ANXA13: variants seen among roughly 807,000 people sequenced by gnomAD.
ANXA13 encodes annexin A13, also known as annexin XIII.
In ANXA13, 36 loss-of-function variants were observed where a neutral mutation model predicts 46.6. That is an observed-to-expected ratio of 0.77 (90% confidence interval 0.59 to 1.02). The LOEUF is 1.02. Ranked by LOEUF, ANXA13 falls within the 50% of genes least tolerant of loss-of-function variation. The pLI is 0.00. For synonymous variants in ANXA13, 163 were observed against 152.9 expected (o/e 1.07, Z -0.49); for missense variants, 417 against 396.5 (o/e 1.05, Z -0.44).
intron 1 of ANXA13, chr8:123,728,429 T>G (rs1480666437): frequency 6.6e-6 from 1 of 152,192 alleles, no homozygotes; most frequent in Non-Finnish European, 1.5e-5. Context: ...CGTTTCTCAT[T>G]AGAAAAGAAT....
chr8:123,732,625 A>G (rs887886952), intron 1 of ANXA13, among the ~76,000 whole-genome samples: 1 of 150,148 alleles, frequency 6.7e-6, no homozygotes, highest in Non-Finnish European at 1.5e-5. Flanking sequence ...CTATCAGTGT[A>G]TCTGTCCTCT....
At chr8:123,735,999 A>T (rs1814258775) in intron 1 of ANXA13, 1 of 1,024,966 alleles carries the variant, frequency 9.8e-7, no homozygotes, top group Admixed American at 3.7e-5. Context: ...TCCATTGATT[A>T]TTCCTGGGGT....
At chr8:123,702,256 G>GT (rs11410415) in intron 3 of ANXA13, among the ~76,000 whole-genome samples, 91,222 of 151,802 alleles carry the variant, frequency 0.6, 27,825 homozygotes, top group South Asian at 0.67. Context: ...AAAATGGAGA[G>GT]TTTTTTTGGT....
intron 9 of ANXA13, among the ~76,000 whole-genome samples, chr8:123,685,889 C>G (rs944347037): frequency 6.6e-6 from 1 of 152,202 alleles, no homozygotes; most frequent in Non-Finnish European, 1.5e-5. Context: ...TCAAGACTTA[C>G]TGTGATCCCC....
intron 3 of ANXA13, among the ~76,000 whole-genome samples, chr8:123,701,273 T>C (rs1813442486): frequency 6.6e-6 from 1 of 152,146 alleles, no homozygotes; most frequent in Non-Finnish European, 1.5e-5. Context: ...AGTTTGAGAC[T>C]AGCCTGACCA....
rs767161062 is a variant in ANXA13, at chr8:123,712,697, G to T, written c.72C>A (p.Asn24Lys). ...TCATACCCATTCCTTTGCAGGCTTT[G>T]TTCAGCTTTTTGGCATCTCGATCCA... ...FDVDRDAKKLNKACKGMGTNE... is the reference protein window; with the variant it reads ...FDVDRDAKKLKKACKGMGTNE... Residue 24 changes from asparagine to lysine, a missense_variant, in exon 2 of 11, where the codon AAC becomes AAA. Physicochemically the swap from Asn to Lys is moderately conservative, Grantham distance 94. Transcript: ENST00000419625. 1.9e-6 allele frequency: 3 copies of T among 1,614,132 alleles called. No individual in the cohort carries two copies. The highest frequency in any genetic ancestry group is 2.5e-6 in the Non-Finnish European group (3 of 1,180,012).
At chr8:123,692,229 C>T (rs973277223) in intron 8 of ANXA13, among the ~76,000 whole-genome samples, 1 of 152,312 alleles carries the variant, frequency 6.6e-6, no homozygotes, top group East Asian at 1.9e-4. Context: ...CTGCTACCAA[C>T]TTGCTGTGTG....
Position 123,681,237 on chromosome 8 carries a change from G to A in ANXA13, c.*3C>T. Reference sequence around the variant, plus strand: ...CCCTGTGTTCCTATTGCCCTGGCTTGGCTCAGTGCAAGAGGGCTACTAGCA... The same window carrying A: ...CCCTGTGTTCCTATTGCCCTGGCTTAGCTCAGTGCAAGAGGGCTACTAGCA... On this transcript the variant is annotated 3_prime_UTR_variant, in exon 11 of 11. Coordinates refer to ENST00000419625, the MANE Select transcript of ANXA13 (RefSeq NM_004306.4). 6.2e-7 allele frequency: 1 copy of A among 1,606,618 alleles called. No individual in the cohort carries two copies. The highest frequency in any genetic ancestry group is 8.5e-7 in the Non-Finnish European group (1 of 1,176,364).
chr8:123,704,522 G>A (rs1813506055), intron 2 of ANXA13, among the ~76,000 whole-genome samples: 1 of 151,688 alleles, frequency 6.6e-6, no homozygotes, highest in Non-Finnish European at 1.5e-5. Context: ...TCAGCCTCCC[G>A]AGTAGCTGGG....
intron 1 of ANXA13, among the ~76,000 whole-genome samples, chr8:123,719,203 A>G (rs1020224837): frequency 3.8e-4 from 58 of 152,228 alleles, no homozygotes; most frequent in Non-Finnish European, 5.9e-5. Flanking sequence ...CTGATTTTCT[A>G]CTTGAATAGC....
At chr8:123,726,648 A>C (rs1814001161) in intron 1 of ANXA13, among the ~76,000 whole-genome samples, 1 of 151,922 alleles carries the variant, frequency 6.6e-6, no homozygotes, top group Admixed American at 6.6e-5. Flanking sequence ...CTGCAGTGAA[A>C]CCCTTCTCAC....
At chr8:123,735,754 CA>C in intron 1 of ANXA13, 1 of 1,609,586 alleles carries the variant, frequency 6.2e-7, no homozygotes, top group Non-Finnish European at 8.5e-7. Flanking sequence ...AAAGTGCTTA[CA>C]GGCTGTGGGG....
chr8:123,683,481 T>G, intron 10 of ANXA13, among the ~76,000 whole-genome samples: 1 of 145,230 alleles, frequency 6.9e-6, no homozygotes, highest in East Asian at 2.0e-4. Flanking sequence ...TTAGTTCCAC[T>G]TCATTCCCCA....
chr8:123,730,855 T>C (rs1191937651), intron 1 of ANXA13, among the ~76,000 whole-genome samples: 2 of 152,018 alleles, frequency 1.3e-5, no homozygotes, highest in African/African-American at 4.8e-5. Context: ...GAGGGAACCC[T>C]GGGTGGGGTG....
chr8:123,700,452 G>A (rs1011203179), intron 3 of ANXA13, among the ~76,000 whole-genome samples: 16 of 152,210 alleles, frequency 1.1e-4, no homozygotes, highest in Admixed American at 1.0e-3. Flanking sequence ...GCTGAGATTG[G>A]ATCATACCTA....
At chr8:123,682,373 C>T (rs910783334) in intron 10 of ANXA13, among the ~76,000 whole-genome samples, 6 of 152,212 alleles carry the variant, frequency 3.9e-5, no homozygotes, top group Non-Finnish European at 7.3e-5. Context: ...GATGTAATTC[C>T]AGGTAGAACA....
At chr8:123,726,038 A>G (rs562507974) in intron 1 of ANXA13, among the ~76,000 whole-genome samples, 60 of 152,350 alleles carry the variant, frequency 3.9e-4, no homozygotes, top group African/African-American at 1.4e-3. Context: ...AGGGGCAGAA[A>G]TATTTGTATC....
chr8:123,683,099 C>G (rs1187446640), intron 10 of ANXA13, among the ~76,000 whole-genome samples: 3 of 151,932 alleles, frequency 2.0e-5, no homozygotes, highest in Admixed American at 2.0e-4. Context: ...ACGGACAAGG[C>G]AGAAGACCTG....
At chr8:123,717,822 A>T (rs1364114624) in intron 1 of ANXA13, among the ~76,000 whole-genome samples, 3 of 152,228 alleles carry the variant, frequency 2.0e-5, no homozygotes, top group Non-Finnish European at 4.4e-5. Flanking sequence ...GTGCAGATGC[A>T]CAAGTCCACA....
Sources: gnomAD v4.1 joint callset for allele counts (sites outside exome capture counted in the v4.1 genomes callset) on GRCh38, gnomAD v4.1.1 for gene constraint, MANE v1.5 for transcripts, NCBI Gene and HGNC (gene_info 2026-07-23, HGNC 2026-07-21) for gene names.